Variants in DIDO1 observed in about 807,000 individuals in gnomAD.
DIDO1 encodes the protein death-inducer obliterator 1.
In DIDO1, 16 loss-of-function variants were observed where a neutral mutation model predicts 99.4. That is an observed-to-expected ratio of 0.16 (90% confidence interval 0.11 to 0.24). The LOEUF (loss-of-function observed/expected upper bound fraction) is 0.24. Among genes scored for constraint, DIDO1 ranks in the 10% least tolerant of loss-of-function variants. The pLI is 1.00. For synonymous variants in DIDO1, 1,366 were observed against 1,239.1 expected (o/e 1.10, Z -2.15); for missense variants, 2,996 against 3,014.0 (o/e 0.99, Z 0.14).
chr20:62,903,161 A>G (rs2064721223), intron 6 of DIDO1, among the ~76,000 whole-genome samples: 1 of 152,250 alleles, frequency 6.6e-6, no homozygotes, highest in East Asian at 1.9e-4. Context: ...TATATAAGAA[A>G]CAATTTTTAA....
chr20:62,889,389 T>C, intron 15 of DIDO1: 1 of 985,392 alleles, frequency 1.0e-6, no homozygotes, highest in Non-Finnish European at 1.2e-6. Context: ...ACCTGACAGC[T>C]CCAAGTTTGG....
At chr20:62,931,018 G>A (rs546354592), upstream of DIDO1, among the ~76,000 whole-genome samples, 1 of 152,324 alleles carries the variant, frequency 6.6e-6, no homozygotes, top group African/African-American at 2.4e-5. Context: ...TTGGCTGTCT[G>A]CAACCTCTGC....
chr20:62,910,654 T>TGTTCATCTTTTCCAACAAATC, intron 3 of DIDO1, 120 bp downstream of exon 3: 1 of 1,207,502 alleles, frequency 8.3e-7, no homozygotes. Flanking sequence ...TTTGACAACT[T>TGTTCATCTTTTCCAACAAATC]GTTCATCTTT....
intron 1 of DIDO1, among the ~76,000 whole-genome samples, chr20:62,916,125 A>G (rs2065033124): frequency 6.6e-6 from 1 of 152,232 alleles, no homozygotes; most frequent in Admixed American, 6.5e-5. Context: ...TTTTGTGTGT[A>G]TAATTAGTGT....
rs781484840 is a variant in DIDO1 at position 62,891,072 on chromosome 20, A to G, written c.3429T>C (p.Arg1143=). 1.3e-5 allele frequency: 21 copies of G among 1,614,182 alleles called. No individual in the cohort carries two copies. Among genetic ancestry groups the G allele is most frequent in the Non-Finnish European group, 1.4e-5 (17 of 1,180,026 alleles). The change falls in exon 15 of 16, where the codon CGT becomes CGC. Residue 1143 remains arginine (R), a synonymous_variant. Coordinates refer to ENST00000395343, the MANE Select transcript of DIDO1 (RefSeq NM_001193369.2). ...TATTAGCTACAACACCAAAGCGGCC[A>G]CGGCTGCTGAAATAGGAGTAGAGAG... is the stretch of plus-strand genomic sequence containing the variant. ...YISLYSYFSS[R]GRFGVVANNN...
chr20:62,908,763 G>T (rs1244962401), intron 4 of DIDO1, among the ~76,000 whole-genome samples: 1 of 152,160 alleles, frequency 6.6e-6, no homozygotes, highest in African/African-American at 2.4e-5. Flanking sequence ...GGAGGCTAAG[G>T]TGGGAGGATC....
chr20:62,926,174 C>T (rs1187644580), intron 1 of DIDO1, among the ~76,000 whole-genome samples: 1 of 152,118 alleles, frequency 6.6e-6, no homozygotes, highest in Admixed American at 6.5e-5. Flanking sequence ...CTCGCCAGTC[C>T]CCTCGACCTC....
chr20:62,934,311 C>A (rs1160975109), intron 1 of DIDO1, among the ~76,000 whole-genome samples: 2 of 152,208 alleles, frequency 1.3e-5, no homozygotes, highest in African/African-American at 4.8e-5. Context: ...TTGCCTTTAT[C>A]TCTGCCTGGA....
At position 62,890,952 on chromosome 20, in the gene DIDO1, G is replaced by A. The variant is rs2064384002; in HGVS notation, c.3541+8C>T. 6.2e-7 allele frequency: 1 copy of A among 1,613,512 alleles called. No individual in the cohort carries two copies. Among genetic ancestry groups the A allele is most frequent in the African/African-American group, 1.3e-5 (1 of 75,012 alleles). On this transcript the variant is annotated splice_region_variant and intron_variant, in intron 15 of 15. Coordinates refer to ENST00000395343, the MANE Select transcript of DIDO1 (RefSeq NM_001193369.2). The stretch of plus-strand genomic sequence containing the variant: ...GGCCTCACCTCCACCCAGAAAGCCG[G>A]CGCTTACCTGGTCCCTCAAAGGGCA...
intron 15 of DIDO1, among the ~76,000 whole-genome samples, chr20:62,886,015 C>A (rs2064291691): frequency 6.6e-6 from 1 of 152,244 alleles, no homozygotes; most frequent in African/African-American, 2.4e-5. Context: ...GGTGTGTGAG[C>A]CCTGGGAGGG....
In DIDO1 at chr20:62,882,213, G is replaced by A. The variant is rs752351820; in HGVS notation, c.3743C>T (p.Ser1248Phe). 7 of 1,613,622 alleles carry A rather than the reference G, an allele frequency of 4.3e-6. No homozygotes were observed. The Admixed American group carries it at 1.0e-4, about 23-fold the overall frequency. Residue 1248 changes from serine to phenylalanine, a missense_variant, in exon 16 of 16, where the codon TCT becomes TTT. Physicochemically the swap from Ser to Phe is radical, Grantham distance 155. This residue lies in a region of DIDO1 where 1,562 missense variants were observed against 1,412.6 expected (regional missense o/e 1.11). Coordinates refer to ENST00000395343, the MANE Select transcript of DIDO1 (RefSeq NM_001193369.2). ...EKKPSKYPLC[S>F]ADAAVSTTPP... The stretch of plus-strand genomic sequence containing the variant: ...TGTGGTGCTGACAGCCGCGTCTGCA[G>A]AGCAGAGTGGATACTTGGAGGGCTT...
At chr20:62,918,747 G>A (rs1381461088) in intron 1 of DIDO1, among the ~76,000 whole-genome samples, 6 of 151,946 alleles carry the variant, frequency 3.9e-5, no homozygotes, top group Non-Finnish European at 8.8e-5. Context: ...CATTATTTTC[G>A]CTAATTCTGA....
At chr20:62,900,839 T>G (rs2064655372) in intron 6 of DIDO1, among the ~76,000 whole-genome samples, 1 of 152,206 alleles carries the variant, frequency 6.6e-6, no homozygotes, top group Non-Finnish European at 1.5e-5. Flanking sequence ...CTCTAAGGGC[T>G]GTTTCTATGC....
rs572650352 is a variant in DIDO1 at position 62,895,105 on chromosome 20, G to A, written c.2275C>T (p.Pro759Ser). 2 of 1,611,990 alleles carry A rather than the reference G, an allele frequency of 1.2e-6. No individual in the cohort carries two copies. The highest frequency in any genetic ancestry group is 3.3e-5 in the Admixed American group (2 of 59,994). The change falls in exon 9 of 16, where the codon CCA becomes TCA. Residue 759 changes from proline (P) to serine (S), a missense_variant. Physicochemically the swap from Pro to Ser is moderately conservative, Grantham distance 74. This residue lies in a region of DIDO1 where 898 missense variants were observed against 972.7 expected (regional missense o/e 0.92). Coordinates refer to ENST00000395343, the MANE Select transcript of DIDO1 (RefSeq NM_001193369.2). ...AGCTCTTTAGATACAAGTTCTTCTGGCTTCAGTCTCACAAGTTTCGCCAAA... is the reference window on the plus strand; with the variant it reads ...AGCTCTTTAGATACAAGTTCTTCTGACTTCAGTCTCACAAGTTTCGCCAAA... ...ISLAKLVRLK[P>S]EELVSKELST...
intron 6 of DIDO1, among the ~76,000 whole-genome samples, chr20:62,900,813 T>C (rs923099242): frequency 2.0e-5 from 3 of 152,190 alleles, no homozygotes; most frequent in Non-Finnish European, 4.4e-5. Context: ...ATCCTGCCTA[T>C]CACCATCCGC....
chr20:62,902,186 C>A (rs1000082404), intron 6 of DIDO1, among the ~76,000 whole-genome samples: 2 of 152,186 alleles, frequency 1.3e-5, no homozygotes, highest in Non-Finnish European at 2.9e-5. Context: ...TGCAGGGTCA[C>A]GGTTACGGAG....
chr20:62,880,719 G>C lies in DIDO1; in HGVS notation c.5237C>G (p.Ser1746Cys). The C allele has an allele frequency of 1.9e-6, 3 of 1,612,698 alleles. No individual in the cohort carries two copies. The highest frequency in any genetic ancestry group is 2.5e-6 in the Non-Finnish European group (3 of 1,179,872). The change falls in exon 16 of 16, where the codon TCT becomes TGT. Residue 1746 changes from serine to cysteine, a missense_variant. Ser to Cys is a moderately radical substitution (Grantham distance 112). Coordinates refer to ENST00000395343, the MANE Select transcript of DIDO1 (RefSeq NM_001193369.2). ...LPPPGQKVGG[S>C]QPPFQGQREP... ...CCGCTGACCCTGAAACGGGGGCTGAGAGCCCCCCACTTTCTGTCCTGGTGG... is the reference window on the plus strand; with the variant it reads ...CCGCTGACCCTGAAACGGGGGCTGACAGCCCCCCACTTTCTGTCCTGGTGG...
Position 62,881,310 on chromosome 20 carries a change from G to T in DIDO1, c.4646C>A (p.Pro1549His). Residue 1549 changes from proline to histidine, a missense_variant, in exon 16 of 16, where the codon CCC becomes CAC. This residue lies in a region of DIDO1 where 1,562 missense variants were observed against 1,412.6 expected (regional missense o/e 1.11). Transcript: ENST00000395343. This position sits in a 1 kb window ranked among gnomAD's most constrained non-coding sequence, Gnocchi z 8.3. ...GTGGTTTGACGCCTGGCTGGCGGGGGGCAGTGAGGCGGGCTTGTCTGCAGA... is the reference window on the plus strand; with the variant it reads ...GTGGTTTGACGCCTGGCTGGCGGGGTGCAGTGAGGCGGGCTTGTCTGCAGA... ...QQSADKPASL[P>H]PASQASNHRD... 6.2e-7 allele frequency: 1 copy of T among 1,604,828 alleles called. No individual in the cohort carries two copies. Among genetic ancestry groups the T allele is most frequent in the Non-Finnish European group, 8.5e-7 (1 of 1,179,918 alleles).
At chr20:62,921,777 A>C (rs557867945) in intron 1 of DIDO1, among the ~76,000 whole-genome samples, 88 of 151,258 alleles carry the variant, frequency 5.8e-4, no homozygotes, top group Admixed American at 9.9e-4. Flanking sequence ...TGGGACTACA[A>C]GCATGCACTA....
Sources: gnomAD v4.1 joint callset for allele counts (sites outside exome capture counted in the v4.1 genomes callset) on GRCh38, gnomAD v4.1.1 for gene constraint, gnomAD v4.1.1 regional missense constraint, Gnocchi (gnomAD v3.1) non-coding constraint, MANE v1.5 for transcripts, NCBI Gene and HGNC (gene_info 2026-07-23, HGNC 2026-07-21) for gene names.